Variants in MYO18B observed in about 807,000 individuals in gnomAD.
MYO18B encodes the protein myosin XVIIIB.
A neutral mutation model predicts 273.0 loss-of-function variants in MYO18B; 204 were observed. That is an observed-to-expected ratio of 0.75 (90% CI 0.67 to 0.84). The LOEUF is 0.84. MYO18B is among the 40% of genes least tolerant of loss of function. The probability of loss-of-function intolerance (pLI) is 0.00; values close to 1 mark genes in which losing one functional copy is unlikely to be tolerated. For missense variants in MYO18B, 3,212 were observed against 3,287.6 expected (o/e 0.98, Z 0.56); for synonymous variants, 1,330 against 1,305.7 (o/e 1.02, Z -0.40).
chr22:25,816,892 CTGTG>C (rs887563877), intron 12 of MYO18B, among the ~76,000 whole-genome samples: 1 of 152,202 alleles, frequency 6.6e-6, no homozygotes, highest in African/African-American at 2.4e-5. Context: ...TTGTAAACCT[CTGTG>C]TGAGGAAAAG....
chr22:25,920,917 A>C (rs577753061), intron 33 of MYO18B, among the ~76,000 whole-genome samples: 39 of 152,358 alleles, frequency 2.6e-4, no homozygotes, highest in African/African-American at 9.4e-4. Context: ...GTGAGGTCAC[A>C]CTGATGACTT....
chr22:25,940,002 T>C (rs966158186), intron 34 of MYO18B, among the ~76,000 whole-genome samples: 1 of 152,098 alleles, frequency 6.6e-6, no homozygotes, highest in Non-Finnish European at 1.5e-5. Context: ...TGGCACAGAG[T>C]AACAGCTCAT....
At chr22:25,881,866 G>A (rs1026026765) in intron 25 of MYO18B, among the ~76,000 whole-genome samples, 1 of 148,678 alleles carries the variant, frequency 6.7e-6, no homozygotes, top group Admixed American at 6.6e-5. Context: ...GGAAATAAGA[G>A]TTGATGAGTG....
chr22:25,754,207 G>A (rs777674884), intron 1 of MYO18B, among the ~76,000 whole-genome samples: 1 of 152,216 alleles, frequency 6.6e-6, no homozygotes, highest in African/African-American at 2.4e-5. Flanking sequence ...CAGGCACATT[G>A]AGAAGACTTT....
intron 34 of MYO18B, among the ~76,000 whole-genome samples, chr22:25,924,143 G>A (rs2092387957): frequency 6.6e-6 from 1 of 152,210 alleles, no homozygotes; most frequent in African/African-American, 2.4e-5. Context: ...CCCAGCGCAC[G>A]TGTCCCAGAT....
chr22:26,046,656 C>A, the MYO18B span, among the ~76,000 whole-genome samples: 884 of 152,306 alleles, frequency 5.8e-3, 6 homozygotes, highest in African/African-American at 0.019. Context: ...TTGCCCCTAG[C>A]TGTCTGTTCT....
rs3070566 is a variant in MYO18B, at chr22:25,914,686, CTTTTTTTTTTT to C, written c.5364+3654_5364+3664del. On this transcript the variant is annotated intron_variant, in intron 33 of 43. Transcript: ENST00000335473. ...TTTGAAAATAAGAATAGTTTTGACTCTTTTTTTTTTTTTTTTTTTTTTTTTTTTGAGATGGA... is the reference window on the plus strand; with the variant it reads ...TTTGAAAATAAGAATAGTTTTGACTCTTTTTTTTTTTTTTTTTGAGATGGA... Among the ~76,000 whole-genome samples the C allele has an allele frequency of 6.8e-3, 346 of 50,840 alleles. 3 individuals carry two copies. The highest frequency in any genetic ancestry group is 0.026 in the African/African-American group (306 of 11,788). The allele number at this position is 50,840 out of a possible 152,430, so 33.4% of individuals were successfully genotyped here. A position where few individuals can be genotyped will look rare whatever the true frequency, so the allele number is the denominator to read the frequency against.
chr22:25,939,090 C>T (rs771721693), intron 34 of MYO18B, among the ~76,000 whole-genome samples: 1 of 152,220 alleles, frequency 6.6e-6, no homozygotes, highest in Admixed American at 6.5e-5. Context: ...GCTAGGATTA[C>T]AGGCATAAGC....
chr22:26,056,160 T>G, the MYO18B span, among the ~76,000 whole-genome samples: 2 of 152,194 alleles, frequency 1.3e-5, no homozygotes, highest in African/African-American at 2.4e-5. Context: ...TTATCCAAAG[T>G]GTATTCAAAT....
chr22:25,871,735 T>A (rs2091050684), intron 22 of MYO18B, among the ~76,000 whole-genome samples: 1 of 152,116 alleles, frequency 6.6e-6, no homozygotes, highest in Admixed American at 6.6e-5. Flanking sequence ...GGGAAAGGTG[T>A]GATTCCACGT....
At chr22:25,829,072 C>T in intron 15 of MYO18B, 104 bp downstream of exon 15, 1 of 1,292,782 alleles carries the variant, frequency 7.7e-7, no homozygotes, top group Non-Finnish European at 1.1e-6. Context: ...GCAGCTTCAC[C>T]CTGTTTGGTT....
At chr22:25,926,847 G>A (rs1304477247) in intron 34 of MYO18B, among the ~76,000 whole-genome samples, 1 of 152,208 alleles carries the variant, frequency 6.6e-6, no homozygotes, top group African/African-American at 2.4e-5. Context: ...GGGACCAGCT[G>A]AAGCCATGGC....
the MYO18B span, among the ~76,000 whole-genome samples, chr22:26,047,260 G>A: frequency 6.6e-6 from 1 of 151,886 alleles, no homozygotes; most frequent in African/African-American, 2.4e-5. Context: ...CTGAGTAGCT[G>A]GGACTACAGG....
At chr22:26,004,614 A>G in intron 41 of MYO18B, 104 bp from the exon 42 acceptor site, 1 of 1,347,578 alleles carries the variant, frequency 7.4e-7, no homozygotes, top group Admixed American at 2.0e-5. Flanking sequence ...TTATGCAGGT[A>G]TATCACTTAG....
chr22:25,746,280 A>G lies in MYO18B; in HGVS notation c.-110+3987A>G, dbSNP rs115646552. 1.1e-4 allele frequency among the ~76,000 whole-genome samples: 17 copies of G among 152,288 alleles called. No individual in the cohort carries two copies. In the East Asian group the frequency reaches 3.1e-3, roughly 28 times the overall value. ...CTTTTCTGCTTGTTTTTCTGCCAAC[A>G]GTGGATGACTCATTTTTTCAGTTCT... On this transcript the variant is annotated intron_variant, in intron 1 of 43. Coordinates refer to ENST00000335473, the MANE Select transcript of MYO18B (RefSeq NM_032608.7).
intron 39 of MYO18B, among the ~76,000 whole-genome samples, chr22:25,968,280 C>G (rs2093000150): frequency 6.6e-6 from 1 of 152,168 alleles, no homozygotes; most frequent in African/African-American, 2.4e-5. Flanking sequence ...GGTACATGCC[C>G]AGCCCTGAAT....
chr22:25,915,433 C>T (rs1186822777), intron 33 of MYO18B, among the ~76,000 whole-genome samples: 1 of 152,078 alleles, frequency 6.6e-6, no homozygotes, highest in Non-Finnish European at 1.5e-5. Flanking sequence ...GCAATTGTGA[C>T]ACAGTGGTAA....
intron 42 of MYO18B, among the ~76,000 whole-genome samples, chr22:26,024,483 A>C (rs551060932): frequency 6.6e-6 from 1 of 152,186 alleles, no homozygotes; most frequent in Non-Finnish European, 1.5e-5. Flanking sequence ...GCCTGATCAC[A>C]CAGGAGAAGG....
intron 34 of MYO18B, among the ~76,000 whole-genome samples, chr22:25,928,308 C>T (rs1200921402): frequency 6.6e-6 from 1 of 150,566 alleles, no homozygotes; most frequent in East Asian, 2.0e-4. Context: ...TGTCTCACAC[C>T]TGTAATCCTA....
Sources: allele counts gnomAD v4.1 joint callset (sites outside exome capture counted in the v4.1 genomes callset), GRCh38; gene constraint gnomAD v4.1.1; transcripts MANE v1.5; gene names NCBI Gene and HGNC (gene_info 2026-07-23, HGNC 2026-07-21).